TP63: variants seen among roughly 807,000 people sequenced by gnomAD.
The protein encoded by TP63 is tumor protein p63.
In TP63, 17 loss-of-function variants were observed where a neutral mutation model predicts 82.8. The observed-to-expected ratio is 0.21, with a 90% CI of 0.14 to 0.31. TP63 has a LOEUF of 0.31. Among genes scored for constraint, TP63 ranks in the 10% least tolerant of loss-of-function variants. The pLI, the probability that TP63 is intolerant of heterozygous loss-of-function variation, is 1.00. For synonymous variants in TP63, 330 were observed against 321.7 expected, an observed-to-expected ratio of 1.03 and a Z score of -0.28; for missense variants, 648 against 895.3, an observed-to-expected ratio of 0.72 and a Z score of 3.52.
chr3:189,729,815 A>G (rs1462116541), intron 1 of TP63, among the ~76,000 whole-genome samples: 1 of 152,194 alleles, frequency 6.6e-6, no homozygotes, highest in African/African-American at 2.4e-5. Context: ...TCTCAAGTTT[A>G]TGAATAAATT....
At chr3:189,880,034 T>C (rs1450323689) in intron 10 of TP63, 3 of 1,610,174 alleles carry the variant, frequency 1.9e-6, no homozygotes, top group Non-Finnish European at 8.5e-7. Context: ...TAGGCCTTCA[T>C]TTTTTCTTTT....
intron 1 of TP63, among the ~76,000 whole-genome samples, chr3:189,710,034 G>A (rs902357065): frequency 2.0e-5 from 3 of 152,134 alleles, no homozygotes; most frequent in East Asian, 1.9e-4. Context: ...AGGGGGTTGT[G>A]TAATGTCAAG....
intron 3 of TP63, among the ~76,000 whole-genome samples, chr3:189,807,762 A>G (rs1038164410): frequency 6.6e-6 from 1 of 152,228 alleles, no homozygotes; most frequent in Non-Finnish European, 1.5e-5. Context: ...TCTGGGACAG[A>G]ATGCAGAATT....
chr3:189,671,425 A>G (rs1714881986), intron 1 of TP63, among the ~76,000 whole-genome samples: 1 of 152,108 alleles, frequency 6.6e-6, no homozygotes, highest in Non-Finnish European at 1.5e-5. Flanking sequence ...GGGAACTCTT[A>G]CACATTCTTG....
chr3:189,773,529 T>G (rs1426429795), intron 3 of TP63, among the ~76,000 whole-genome samples: 1 of 152,218 alleles, frequency 6.6e-6, no homozygotes, highest in African/African-American at 2.4e-5. Context: ...AATTGTTTCC[T>G]TTTAGCAGAC....
upstream of TP63, chr3:189,631,240 A>G (rs978689206): frequency 5.1e-6 from 5 of 985,252 alleles, no homozygotes; most frequent in Non-Finnish European, 6.0e-6. Context: ...GCCGTGAGAG[A>G]GGGGGAAGAA....
intron 10 of TP63, chr3:189,881,429 G>T: frequency 1.0e-6 from 1 of 985,290 alleles, no homozygotes; most frequent in Non-Finnish European, 1.2e-6. Context: ...ATGATTTCTT[G>T]TTATTGAGGC....
chr3:189,822,842 T>A (rs1465177742), intron 4 of TP63, among the ~76,000 whole-genome samples: 1 of 152,124 alleles, frequency 6.6e-6, no homozygotes, highest in African/African-American at 2.4e-5. Context: ...AAAGGCACAA[T>A]AACCACGTAA....
chr3:189,682,549 AAAAAAT>A (rs1334826145), intron 1 of TP63, among the ~76,000 whole-genome samples: 11 of 30,340 alleles, frequency 3.6e-4, no homozygotes, highest in African/African-American at 1.2e-3. Flanking sequence ...AAAAAAAAAA[AAAAAAT>A]ATATATATAT....
intron 1 of TP63, among the ~76,000 whole-genome samples, chr3:189,701,485 G>A (rs1038278526): frequency 1.3e-5 from 2 of 148,804 alleles, no homozygotes; most frequent in African/African-American, 2.5e-5. Flanking sequence ...AAGGGTGTAT[G>A]AGAACTGATT....
chr3:189,766,643 T>G (rs1469829071), intron 3 of TP63, among the ~76,000 whole-genome samples: 2 of 152,124 alleles, frequency 1.3e-5, no homozygotes, highest in Admixed American at 1.3e-4. Flanking sequence ...GAATGTCTTT[T>G]CTCCAGACTG....
intron 1 of TP63, among the ~76,000 whole-genome samples, chr3:189,670,534 A>G (rs1714799490): frequency 6.6e-6 from 1 of 152,118 alleles, no homozygotes; most frequent in Non-Finnish European, 1.5e-5. Context: ...GAAATTAAAT[A>G]AGAATCTTCT....
intron 1 of TP63, among the ~76,000 whole-genome samples, chr3:189,675,257 T>C (rs1011912520): frequency 3.3e-5 from 5 of 152,024 alleles, no homozygotes; most frequent in African/African-American, 9.7e-5. Flanking sequence ...ACCTCCTCCA[T>C]TGCCTTAGGG....
At chr3:189,802,579 T>G (rs947706302) in intron 3 of TP63, among the ~76,000 whole-genome samples, 2 of 152,198 alleles carry the variant, frequency 1.3e-5, no homozygotes, top group Admixed American at 6.5e-5. Context: ...TATGGTAAAC[T>G]AAGGTCCACA....
chr3:189,681,851 C>T (rs1715932557), intron 1 of TP63, among the ~76,000 whole-genome samples: 1 of 152,174 alleles, frequency 6.6e-6, no homozygotes, highest in African/African-American at 2.4e-5. Flanking sequence ...GGCTGGAATC[C>T]CTCATTTGTT....
the TP63 span, among the ~76,000 whole-genome samples, chr3:189,601,909 T>C: frequency 1.3e-5 from 2 of 152,198 alleles, no homozygotes; most frequent in African/African-American, 4.8e-5. Flanking sequence ...GCCCACGGTA[T>C]GCTCTTCTGA....
chr3:189,750,719 G>T (rs532357515), intron 3 of TP63, among the ~76,000 whole-genome samples: 1 of 152,192 alleles, frequency 6.6e-6, no homozygotes, highest in African/African-American at 2.4e-5. Context: ...GACGATAGTA[G>T]TAGTTAGGAT....
At chr3:189,879,619 A>G (rs934903008) in intron 10 of TP63, among the ~76,000 whole-genome samples, 12 of 152,162 alleles carry the variant, frequency 7.9e-5, no homozygotes, top group Non-Finnish European at 1.0e-4. Flanking sequence ...AAAAGATTCA[A>G]GTTTCTTCTT....
chr3:189,640,544 C>G (rs915420138), intron 1 of TP63, among the ~76,000 whole-genome samples: 5 of 152,094 alleles, frequency 3.3e-5, no homozygotes, highest in African/African-American at 1.2e-4. Flanking sequence ...GTCAGATGTT[C>G]AATCATTTTT....
Sources: allele counts gnomAD v4.1 joint callset (sites outside exome capture counted in the v4.1 genomes callset), GRCh38; gene constraint gnomAD v4.1.1; transcripts MANE v1.5; gene names NCBI Gene and HGNC (gene_info 2026-07-23, HGNC 2026-07-21).